Variants in EYS observed in about 807,000 individuals in gnomAD.
EYS encodes protein eyes shut homolog.
A neutral mutation model predicts 282.1 loss-of-function variants in EYS; 250 were observed. The observed-to-expected ratio is 0.89, with a 90% CI of 0.80 to 0.98. The LOEUF (loss-of-function observed/expected upper bound fraction) is 0.98. Ranked by LOEUF, EYS falls within the 50% of genes least tolerant of loss-of-function variation. The pLI is 0.00. For missense variants in EYS, 4,016 were observed against 3,709.0 expected, an observed-to-expected ratio of 1.08 and a Z score of -2.15; for synonymous variants, 1,355 against 1,282.9, an observed-to-expected ratio of 1.06 and a Z score of -1.20.
intron 30 of EYS, among the ~76,000 whole-genome samples, chr6:64,257,824 C>A (rs3915899): frequency 0.69 from 104,339 of 151,634 alleles, 35,915 homozygotes; most frequent in South Asian, 0.71. Flanking sequence ...TGACAGCAAC[C>A]GTGATCATTA....
At chr6:64,652,913 A>G (rs1768614061) in intron 22 of EYS, among the ~76,000 whole-genome samples, 2 of 152,174 alleles carry the variant, frequency 1.3e-5, no homozygotes, top group Admixed American at 1.3e-4. Flanking sequence ...TGCATTTTAC[A>G]TACATTCGCA....
chr6:65,111,788 A>G (rs1050560493), intron 12 of EYS, among the ~76,000 whole-genome samples: 1 of 152,222 alleles, frequency 6.6e-6, no homozygotes, highest in Non-Finnish European at 1.5e-5. Context: ...TGGAGGTTAC[A>G]GTGATTCAAG....
intron 8 of EYS, among the ~76,000 whole-genome samples, chr6:65,363,416 T>G (rs1454758664): frequency 6.6e-6 from 1 of 151,946 alleles, no homozygotes; most frequent in African/African-American, 2.4e-5. Context: ...TAACCAACAT[T>G]GACTCTACTC....
At chr6:65,591,927 T>A (rs1334252030) in intron 2 of EYS, among the ~76,000 whole-genome samples, 1 of 152,030 alleles carries the variant, frequency 6.6e-6, no homozygotes, top group Non-Finnish European at 1.5e-5. Flanking sequence ...TGTGTCATTA[T>A]CTCTGACATA....
At chr6:64,279,907 T>C (rs944122620) in intron 30 of EYS, among the ~76,000 whole-genome samples, 2 of 152,220 alleles carry the variant, frequency 1.3e-5, no homozygotes, top group African/African-American at 4.8e-5. Flanking sequence ...TCAAATTAAA[T>C]AATTAAGACT....
At chr6:65,342,036 T>C (rs1362480792) in intron 10 of EYS, among the ~76,000 whole-genome samples, 1 of 151,190 alleles carries the variant, frequency 6.6e-6, no homozygotes, top group Non-Finnish European at 1.5e-5. Context: ...GTAATATTGT[T>C]AGTCTTTTAG....
At chr6:65,595,340 G>T (rs1179864572) in intron 2 of EYS, among the ~76,000 whole-genome samples, 1 of 151,876 alleles carries the variant, frequency 6.6e-6, no homozygotes, top group African/African-American at 2.4e-5. Context: ...GACAGGGGAG[G>T]GATAGCATTA....
intron 12 of EYS, among the ~76,000 whole-genome samples, chr6:65,160,321 C>G (rs1200479245): frequency 6.6e-6 from 1 of 150,748 alleles, no homozygotes; most frequent in African/African-American, 2.4e-5. Context: ...TTTAAATGTC[C>G]TCTCTAAAAT....
chr6:64,065,945 G>A (rs942968543), intron 33 of EYS, among the ~76,000 whole-genome samples: 6 of 152,108 alleles, frequency 3.9e-5, no homozygotes, highest in African/African-American at 1.4e-4. Context: ...TTGGGTGGCT[G>A]TTACACACGT....
chr6:64,988,881 G>T (rs1382139064), intron 14 of EYS, among the ~76,000 whole-genome samples: 3 of 151,378 alleles, frequency 2.0e-5, no homozygotes, highest in Non-Finnish European at 4.4e-5. Context: ...TAACACAAAA[G>T]TGACTGAATT....
At chr6:63,819,000 T>A (rs1183924777) in intron 36 of EYS, among the ~76,000 whole-genome samples, 1 of 152,340 alleles carries the variant, frequency 6.6e-6, no homozygotes, top group South Asian at 2.1e-4. Flanking sequence ...CTTTTTCTTC[T>A]CAGCATTTTT....
intron 11 of EYS, among the ~76,000 whole-genome samples, chr6:65,325,107 T>C (rs1769583528): frequency 6.6e-6 from 1 of 152,114 alleles, no homozygotes; most frequent in Non-Finnish European, 1.5e-5. Context: ...GCAAGGGGAA[T>C]TCACATTTAG....
chr6:64,971,202 C>T (rs1374442371), intron 14 of EYS, among the ~76,000 whole-genome samples: 3 of 151,660 alleles, frequency 2.0e-5, no homozygotes, highest in African/African-American at 4.9e-5. Flanking sequence ...TTCTGCTGCC[C>T]AAGAGGCAGC....
intron 23 of EYS, among the ~76,000 whole-genome samples, chr6:64,623,664 T>A (rs922398675): frequency 7.2e-5 from 11 of 151,852 alleles, no homozygotes; most frequent in Non-Finnish European, 1.5e-4. Flanking sequence ...TAGAGAAAAA[T>A]TAGTATTCTA....
chr6:64,121,271 T>C (rs1773580728), intron 31 of EYS, among the ~76,000 whole-genome samples: 1 of 152,194 alleles, frequency 6.6e-6, no homozygotes. Context: ...ACTACATTCA[T>C]AGGTTAACCC....
chr6:64,381,708 G>A (rs569916733), intron 29 of EYS, among the ~76,000 whole-genome samples: 2 of 152,244 alleles, frequency 1.3e-5, no homozygotes, highest in South Asian at 4.1e-4. Context: ...GAAAATTTTG[G>A]TGTATTGGAT....
At chr6:64,669,584 A>G (rs746307627) in intron 22 of EYS, among the ~76,000 whole-genome samples, 31 of 152,220 alleles carry the variant, frequency 2.0e-4, no homozygotes, top group Non-Finnish European at 3.7e-4. Flanking sequence ...GACACAATTA[A>G]GTGATTGCAT....
intron 41 of EYS, among the ~76,000 whole-genome samples, chr6:63,759,178 T>C (rs1290531052): frequency 6.6e-6 from 1 of 152,154 alleles, no homozygotes; most frequent in Non-Finnish European, 1.5e-5. Flanking sequence ...ACTCACTGTT[T>C]TGTAAAAACT....
intron 31 of EYS, among the ~76,000 whole-genome samples, chr6:64,175,586 C>T (rs1410401663): frequency 1.3e-5 from 2 of 152,164 alleles, no homozygotes; most frequent in Admixed American, 1.3e-4. Flanking sequence ...CTGTTAGTTT[C>T]CCTACATTTC....
Sources: allele counts gnomAD v4.1 joint callset (sites outside exome capture counted in the v4.1 genomes callset), GRCh38; gene constraint gnomAD v4.1.1; transcripts MANE v1.5; gene names NCBI Gene and HGNC (gene_info 2026-07-23, HGNC 2026-07-21).